The following PSD3 variants were observed in gnomAD, a reference collection of about 807,000 sequenced individuals.
PSD3 encodes the protein PH and SEC7 domain-containing protein 3.
PSD3 carries 49 observed loss-of-function variants against 105.5 expected under a neutral mutation model. The observed-to-expected ratio is 0.46, with a 90% CI of 0.37 to 0.59. The LOEUF (loss-of-function observed/expected upper bound fraction) is 0.59, where lower values mean the gene tolerates loss of function less well. PSD3 is among the 20% of genes least tolerant of loss of function. The probability of loss-of-function intolerance (pLI) is 0.00; values close to 1 mark genes in which losing one functional copy is unlikely to be tolerated. For synonymous variants in PSD3, 557 were observed against 457.8 expected (o/e 1.22, Z -2.77); for missense variants, 1,561 against 1,263.8 (o/e 1.24, Z -3.57).
At chr8:18,764,018 T>C (rs909217244) in intron 9 of PSD3, among the ~76,000 whole-genome samples, 4 of 152,196 alleles carry the variant, frequency 2.6e-5, no homozygotes, top group Admixed American at 6.5e-5. Context: ...AGGTGAACAG[T>C]AGCCTCTGGA....
chr8:18,933,875 G>C (rs1242909702), intron 2 of PSD3, among the ~76,000 whole-genome samples: 2 of 152,056 alleles, frequency 1.3e-5, no homozygotes, highest in Non-Finnish European at 2.9e-5. Flanking sequence ...AGAATAGTTA[G>C]GTACTTATGA....
intron 9 of PSD3, among the ~76,000 whole-genome samples, chr8:18,680,563 A>T (rs1346817002): frequency 6.6e-6 from 1 of 152,144 alleles, no homozygotes; most frequent in East Asian, 1.9e-4. Flanking sequence ...CACGAAACAC[A>T]TGTTCTTCCA....
intron 2 of PSD3, among the ~76,000 whole-genome samples, chr8:18,911,224 A>C (rs2129464058): frequency 6.6e-6 from 1 of 152,340 alleles, no homozygotes; most frequent in South Asian, 2.1e-4. Flanking sequence ...AGACACAGAC[A>C]CAGACTTTGG....
chr8:19,021,970 G>T lies in PSD3; in HGVS notation c.324+62236C>A, dbSNP rs572019619. Among the ~76,000 whole-genome samples the T allele has an allele frequency of 5.3e-5, 8 of 152,310 alleles. No individual in the cohort carries two copies. In the East Asian group the frequency reaches 1.5e-3, roughly 29 times the overall value. The stretch of plus-strand genomic sequence containing the variant: ...AGAAAAGAGGTTTAATTGGATCAAG[G>T]TTCTGCAAGCTGTATAAGCAGAGCA... On this transcript the variant is annotated intron_variant, in intron 1 of 1. Transcript: ENST00000521475.
intron 9 of PSD3, among the ~76,000 whole-genome samples, chr8:18,731,512 T>A (rs1803747481): frequency 6.6e-6 from 1 of 152,234 alleles, no homozygotes; most frequent in Admixed American, 6.5e-5. Context: ...AATTCTTTTT[T>A]AATCAACTGT....
chr8:18,900,070 T>C (rs1276413648), intron 2 of PSD3, among the ~76,000 whole-genome samples: 2 of 152,192 alleles, frequency 1.3e-5, no homozygotes, highest in Non-Finnish European at 2.9e-5. Flanking sequence ...ATTTTCTTAA[T>C]GGTGTCTGGG....
Position 18,694,537 on chromosome 8 carries a change from G to C in PSD3, c.2173-38852C>G, listed in dbSNP as rs182088166. On this transcript the variant is annotated intron_variant, in intron 9 of 15. Transcript: ENST00000327040. ...AGGCAGGAGAATGGCGTGAACCCGG[G>C]AGGCAGAGCTTGCAGTGAGCCGAGA... Among the ~76,000 whole-genome samples, 6 of 152,110 alleles carry C rather than the reference G, an allele frequency of 3.9e-5. No individual in the cohort carries two copies. In the East Asian group the frequency reaches 1.2e-3, roughly 29 times the overall value.
chr8:18,613,600 C>G (rs902018041), intron 11 of PSD3, among the ~76,000 whole-genome samples: 1 of 152,104 alleles, frequency 6.6e-6, no homozygotes, highest in East Asian at 1.9e-4. Context: ...ATGAATGATA[C>G]CTCACATTCT....
At chr8:18,866,072 T>C (rs1256661849) in intron 4 of PSD3, among the ~76,000 whole-genome samples, 1 of 152,134 alleles carries the variant, frequency 6.6e-6, no homozygotes, top group Non-Finnish European at 1.5e-5. Flanking sequence ...ACTCTTCCAC[T>C]CCCCAAACCA....
chr8:18,651,591 T>C (rs574381505), intron 10 of PSD3, among the ~76,000 whole-genome samples: 4 of 152,360 alleles, frequency 2.6e-5, no homozygotes, highest in African/African-American at 9.6e-5. Flanking sequence ...TCCAGACATG[T>C]ATCATTTCCT....
At chr8:18,538,074 C>T (rs1316465163) in intron 15 of PSD3, among the ~76,000 whole-genome samples, 3 of 152,196 alleles carry the variant, frequency 2.0e-5, no homozygotes, top group Non-Finnish European at 4.4e-5. Flanking sequence ...GGACAACATG[C>T]TGCACCTGAG....
intron 1 of PSD3, among the ~76,000 whole-genome samples, chr8:19,042,427 G>C (rs889456239): frequency 1.3e-4 from 20 of 152,148 alleles, no homozygotes; most frequent in Admixed American, 5.9e-4. Context: ...CTAAATCTAG[G>C]TCCATTATAT....
chr8:18,862,184 G>A (rs1297425913), intron 4 of PSD3, among the ~76,000 whole-genome samples: 3 of 151,874 alleles, frequency 2.0e-5, no homozygotes, highest in East Asian at 1.9e-4. Flanking sequence ...GATTAATCTC[G>A]TTTCCTCCTC....
intron 2 of PSD3, among the ~76,000 whole-genome samples, chr8:18,925,004 A>T (rs1489489209): frequency 6.6e-6 from 1 of 152,250 alleles, no homozygotes; most frequent in African/African-American, 2.4e-5. Flanking sequence ...AACCTTTTGT[A>T]CTATAAATGA....
chr8:18,571,942 T>C lies in PSD3; in HGVS notation c.2784+586A>G, dbSNP rs138654527. 7.2e-5 allele frequency among the ~76,000 whole-genome samples: 11 copies of C among 152,300 alleles called. 1 individual carries two copies. The East Asian group carries it at 1.5e-3, about 21-fold the overall frequency. On this transcript the variant is annotated intron_variant, in intron 14 of 15. Coordinates refer to ENST00000327040, the MANE Select transcript of PSD3 (RefSeq NM_015310.4). ...GAGTTTTAAGTGAAAAAGGACATGA[T>C]AAAATATGGCTTTTAGTAAGATTAA...
intron 1 of PSD3, among the ~76,000 whole-genome samples, chr8:19,077,553 C>G (rs1428639859): frequency 6.6e-6 from 1 of 152,136 alleles, no homozygotes; most frequent in Non-Finnish European, 1.5e-5. Flanking sequence ...CATTTGCCCA[C>G]CTTTTTCGTT....
rs770442025 is a variant in PSD3, at chr8:18,632,606, T to C, written c.2410+7A>G. ...TGAAATAGAAAATGACAACGCATGATACTTACTCTTCTTTCCATCCATATC... is the reference window on the plus strand; with the variant it reads ...TGAAATAGAAAATGACAACGCATGACACTTACTCTTCTTTCCATCCATATC... On this transcript the variant is annotated splice_region_variant and intron_variant, in intron 11 of 15. Coordinates refer to ENST00000327040, the MANE Select transcript of PSD3 (RefSeq NM_015310.4). 2.5e-6 allele frequency: 4 copies of C among 1,604,670 alleles called. No individual in the cohort carries two copies. Among genetic ancestry groups the C allele is most frequent in the East Asian group, 2.2e-5 (1 of 44,784 alleles).
chr8:18,798,059 T>C (rs1461372272), intron 8 of PSD3, among the ~76,000 whole-genome samples: 1 of 152,180 alleles, frequency 6.6e-6, no homozygotes, highest in Non-Finnish European at 1.5e-5. Context: ...AAAGTGGTCA[T>C]GACAATCCAC....
At chr8:18,565,960 C>G (rs577447865) in intron 14 of PSD3, among the ~76,000 whole-genome samples, 5 of 152,124 alleles carry the variant, frequency 3.3e-5, no homozygotes, top group South Asian at 4.2e-4. Context: ...AAGAATTATC[C>G]ACACCAAAAT....
Sources: gnomAD v4.1 joint callset for allele counts (sites outside exome capture counted in the v4.1 genomes callset) on GRCh38, gnomAD v4.1.1 for gene constraint, MANE v1.5 for transcripts, NCBI Gene and HGNC (gene_info 2026-07-23, HGNC 2026-07-21) for gene names.